Variants in ZNF326 observed in about 807,000 individuals in gnomAD.
The protein encoded by ZNF326 is zinc finger protein 326.
Under a neutral mutation model 63.1 loss-of-function variants are expected in ZNF326, and 30 were observed. The ratio of observed to expected loss-of-function variants is 0.48; its 90% CI spans 0.36 to 0.64. The LOEUF (loss-of-function observed/expected upper bound fraction) is 0.64, where lower values mean the gene tolerates loss of function less well. ZNF326 is among the 30% of genes least tolerant of loss of function. The probability of loss-of-function intolerance (pLI) is 0.00; values close to 1 mark genes in which losing one functional copy is unlikely to be tolerated. For synonymous variants in ZNF326, 194 were observed against 228.2 expected (o/e 0.85, Z 1.35); for missense variants, 609 against 720.3 (o/e 0.85, Z 1.77).
At position 90,018,748 on chromosome 1, in the gene ZNF326, G is replaced by A; in HGVS notation, c.1138G>A (p.Glu380Lys). 1 of 1,574,520 alleles carries A rather than the reference G, an allele frequency of 6.4e-7. No homozygotes were observed. The highest frequency in any genetic ancestry group is 8.6e-7 in the Non-Finnish European group (1 of 1,156,808). Residue 380 changes from glutamate (E) to lysine (K), a missense_variant, in exon 9 of 12, where the codon GAA (glutamate) becomes AAA (lysine). By Grantham distance (56) the Glu-to-Lys change is moderately conservative. Around this residue, in one of 3 missense-constraint regions of ZNF326, gnomAD observed 399 missense variants for 444.3 expected, o/e 0.90. Coordinates refer to ENST00000340281, the MANE Select transcript of ZNF326 (RefSeq NM_182976.4). ...TAAGCAACAGACAAATAATCAAACA[G>A]AAGTAGTTAAAATAATTGAAAAAGA... ...IRKQQTNNQT[E>K]VVKIIEKDVM...
At chr1:90,006,805 C>T (rs913963700) in intron 4 of ZNF326, among the ~76,000 whole-genome samples, 6 of 152,110 alleles carry the variant, frequency 3.9e-5, no homozygotes, top group African/African-American at 1.2e-4. Flanking sequence ...AGAGATAATT[C>T]CCCAAATTTT....
rs1649058730 is a variant in ZNF326 at position 90,007,826 on chromosome 1, C to T, written c.615+76C>T. 7.6e-7 allele frequency: 1 copy of T among 1,309,458 alleles called. No homozygotes were observed. Among genetic ancestry groups the T allele is most frequent in the Non-Finnish European group, 1.0e-6 (1 of 991,422 alleles). The allele number at this position is 1,309,458 out of a possible 1,614,324, so 81.1% of individuals were successfully genotyped here. On this transcript the variant is annotated intron_variant, in intron 5 of 11. Transcript: ENST00000340281. This position sits in a 1 kb window ranked among gnomAD's most constrained non-coding sequence, Gnocchi z 4.9. ...ACCCTTTCAAGACCATCGTTTTCAA[C>T]TAGAATAAACACTGTTCATCCCGGT... is the stretch of plus-strand genomic sequence containing the variant.
At position 90,010,261 on chromosome 1, in the gene ZNF326, G is replaced by A; in HGVS notation, c.789G>A (p.Glu263=). ...IKKPKLAKPM[E]KISLSKSPTK... is the part of the protein sequence containing the mutation. ...AACCCAAACTAGCAAAACCTATGGA[G>A]AAGATAAGCCTCAGCAAATCACCCA... The change falls in exon 6 of 12, where the codon GAG becomes GAA. Residue 263 remains glutamate (E), a synonymous_variant. Transcript: ENST00000340281. 1.2e-6 allele frequency: 2 copies of A among 1,613,752 alleles called. No homozygotes were observed. Among genetic ancestry groups the A allele is most frequent in the Non-Finnish European group, 1.7e-6 (2 of 1,179,764 alleles).
intron 4 of ZNF326, chr1:90,006,556 T>A (rs1004320187): frequency 1.3e-6 from 1 of 795,470 alleles, no homozygotes; most frequent in Non-Finnish European, 1.5e-6. Flanking sequence ...TTAGGGTAGT[T>A]TTATGTGATA....
intron 11 of ZNF326, among the ~76,000 whole-genome samples, chr1:90,025,622 T>C (rs1051997605): frequency 5.3e-5 from 8 of 152,342 alleles, no homozygotes; most frequent in Middle Eastern, 3.4e-3. Flanking sequence ...GACAGCTTCA[T>C]AGGAAATTTT....
chr1:90,005,998 G>A, intron 4 of ZNF326: 1 of 985,356 alleles, frequency 1.0e-6, no homozygotes, highest in Non-Finnish European at 1.2e-6. Context: ...ACTTTTTGAG[G>A]CACAAAGGTT....
rs758668567 is a variant in ZNF326 at position 90,007,186 on chromosome 1, G to C, written c.210-159G>C. Among the ~76,000 whole-genome samples the C allele has an allele frequency of 6.6e-6, 1 of 152,162 alleles. No homozygotes were observed. Among genetic ancestry groups the C allele is most frequent in the Admixed American group, 6.5e-5 (1 of 15,274 alleles). On this transcript the variant is annotated intron_variant, in intron 4 of 11. Transcript: ENST00000340281. The surrounding 1 kb of genome is among the most constrained non-coding windows in gnomAD (Gnocchi z 4.9). ...TTTCTATCTGGTCTCACGTTGAACT[G>C]CCCAGCCCTAATCAAATGTGAACAA...
In ZNF326 at chr1:90,004,236, A is replaced by C. The variant is rs570604170; in HGVS notation, c.62-767A>C. Among the ~76,000 whole-genome samples, 279 of 151,176 alleles carry C rather than the reference A, an allele frequency of 1.8e-3. 1 individual carries two copies. Among genetic ancestry groups the C allele is most frequent in the Non-Finnish European group, 3.2e-3 (216 of 67,848 alleles). On this transcript the variant is annotated intron_variant, in intron 2 of 11. Coordinates refer to ENST00000340281, the MANE Select transcript of ZNF326 (RefSeq NM_182976.4). ...TGCTAGAATTTGCATTCATTTGTTG[A>C]GTCATAATTTATAGGCACAGTGCCA...
Position 90,005,653 on chromosome 1 carries a change from G to A in ZNF326, c.209+409G>A, listed in dbSNP as rs1046917332. ...GTGGGGTGCTATGTAAATTAGCAAA[G>A]CAGTCTAACTAGAATGGATTTTACT... On this transcript the variant is annotated intron_variant, in intron 4 of 11. Coordinates refer to ENST00000340281, the MANE Select transcript of ZNF326 (RefSeq NM_182976.4). 2.1e-5 allele frequency: 21 copies of A among 981,782 alleles called. No homozygotes were observed. The Admixed American group carries it at 7.4e-4, about 34-fold the overall frequency. 60.8% of individuals were successfully genotyped at this position (981,782 alleles called of 1,614,324 possible). A position where few individuals can be genotyped will look rare whatever the true frequency, so the allele number is the denominator to read the frequency against.
At chr1:90,020,047 T>C (rs1243976820) in intron 9 of ZNF326, among the ~76,000 whole-genome samples, 2 of 152,164 alleles carry the variant, frequency 1.3e-5, no homozygotes, top group African/African-American at 4.8e-5. Context: ...TTAAATACTG[T>C]ATTTGTTCAA....
At chr1:89,998,803 A>G (rs572217765) in intron 2 of ZNF326, among the ~76,000 whole-genome samples, 1 of 152,350 alleles carries the variant, frequency 6.6e-6, no homozygotes, top group South Asian at 2.1e-4. Context: ...TGCAGGTTAA[A>G]AAACATATGA....
intron 1 of ZNF326, 109 bp from the exon 2 acceptor site, chr1:89,998,001 G>T (rs1215268758): frequency 3.5e-6 from 3 of 848,276 alleles, no homozygotes; most frequent in African/African-American, 3.4e-5. Flanking sequence ...GCAGATAATT[G>T]GGTTAATGTC....
intron 1 of ZNF326, among the ~76,000 whole-genome samples, chr1:89,996,962 T>C (rs1648409359): frequency 6.6e-6 from 1 of 152,242 alleles, no homozygotes; most frequent in Non-Finnish European, 1.5e-5. Context: ...TCCATTTCTA[T>C]GGAGAATTGA....
At chr1:90,020,271 CTCT>C (rs1298602140) in intron 9 of ZNF326, among the ~76,000 whole-genome samples, 3 of 151,820 alleles carry the variant, frequency 2.0e-5, no homozygotes, top group South Asian at 2.1e-4. Context: ...CATCTTTAGT[CTCT>C]TCTTCTCTGT....
Position 90,006,116 on chromosome 1 carries a change from T to C in ZNF326, c.209+872T>C, listed in dbSNP as rs915864923. 7.1e-6 allele frequency: 7 copies of C among 985,328 alleles called. No individual in the cohort carries two copies. The African/African-American group carries it at 8.7e-5, about 12-fold the overall frequency. 61.0% of individuals were successfully genotyped at this position (985,328 alleles called of 1,614,324 possible). A position where few individuals can be genotyped will look rare whatever the true frequency, so the allele number is the denominator to read the frequency against. On this transcript the variant is annotated intron_variant, in intron 4 of 11. Transcript: ENST00000340281. ...ATGATGGACTGAATGATGCTTACTT[T>C]CCTTCTTTCTGCTTCCAGTGTACCA...
At chr1:90,026,641 A>G (rs1384398391) in intron 11 of ZNF326, among the ~76,000 whole-genome samples, 1 of 152,064 alleles carries the variant, frequency 6.6e-6, no homozygotes, top group Non-Finnish European at 1.5e-5. Flanking sequence ...TAGCCTCCTC[A>G]CTAGTATTCC....
Position 90,029,421 on chromosome 1 carries a change from C to G in ZNF326, c.*1720C>G, listed in dbSNP as rs779358713. Reference sequence around the variant, plus strand: ...AAGACTAGATAAATTTGGATACTATCTAGGAGTCTGTATTTACTTAGCAGG... The same window carrying G: ...AAGACTAGATAAATTTGGATACTATGTAGGAGTCTGTATTTACTTAGCAGG... On this transcript the variant is annotated 3_prime_UTR_variant, in exon 12 of 12. Coordinates refer to ENST00000340281, the MANE Select transcript of ZNF326 (RefSeq NM_182976.4). 2.8e-4 allele frequency: 43 copies of G among 151,918 alleles called. No homozygotes were observed. Among genetic ancestry groups the G allele is most frequent in the Non-Finnish European group, 4.9e-4 (33 of 67,992 alleles). The allele number at this position is 151,918 out of a possible 1,614,324, so 9.4% of individuals were successfully genotyped here.
intron 7 of ZNF326, among the ~76,000 whole-genome samples, 187 bp downstream of exon 7, chr1:90,013,424 G>T (rs896532437): frequency 4.6e-5 from 7 of 152,134 alleles, no homozygotes; most frequent in African/African-American, 1.7e-4. Flanking sequence ...AAGAAAAAAG[G>T]CATTCTATTC....
chr1:89,997,828 T>A (rs1415715058), intron 1 of ZNF326, among the ~76,000 whole-genome samples: 1 of 152,246 alleles, frequency 6.6e-6, no homozygotes, highest in Non-Finnish European at 1.5e-5. Context: ...AAATCAGTGC[T>A]GAATCCCCTC....
Sources: allele counts gnomAD v4.1 joint callset (sites outside exome capture counted in the v4.1 genomes callset), GRCh38; gene constraint gnomAD v4.1.1; regional missense constraint gnomAD v4.1.1; non-coding constraint Gnocchi (gnomAD v3.1); transcripts MANE v1.5; gene names NCBI Gene and HGNC (gene_info 2026-07-23, HGNC 2026-07-21).